The following LAMC3 variants were observed in gnomAD, a reference collection of about 807,000 sequenced individuals.
The protein encoded by LAMC3 is laminin subunit gamma 3.
Under a neutral mutation model 173.8 loss-of-function variants are expected in LAMC3, and 128 were observed. The ratio of observed to expected loss-of-function variants is 0.74; its 90% CI spans 0.64 to 0.85. The LOEUF is 0.85. LAMC3 is among the 40% of genes least tolerant of loss of function. The probability of loss-of-function intolerance (pLI) is 0.00; values close to 1 mark genes in which losing one functional copy is unlikely to be tolerated. For missense variants in LAMC3, 2,022 were observed against 2,156.0 expected, an observed-to-expected ratio of 0.94 and a Z score of 1.23; for synonymous variants, 897 against 909.1, an observed-to-expected ratio of 0.99 and a Z score of 0.24.
Position 131,077,272 on chromosome 9 carries a change from G to A in LAMC3, c.3715G>A (p.Val1239Met), listed in dbSNP as rs193210119. The change falls in exon 22 of 28, where the codon GTG (valine) becomes ATG (methionine). Residue 1239 changes from valine (V) to methionine (M), a missense_variant. Transcript: ENST00000361069. The stretch of plus-strand genomic sequence containing the variant: ...TGAAGCGGAAAGCGTGTTGGCCACC[G>A]TGCAGCAAGTTGGCGCAGATACAGC... ...LPEAESVLAT[V>M]QQVGADTAPY... is the part of the protein sequence containing the mutation. 29 of 1,614,036 alleles carry A rather than the reference G, an allele frequency of 1.8e-5. No individual in the cohort carries two copies. The highest frequency in any genetic ancestry group is 1.3e-4 in the Admixed American group (8 of 60,024).
At chr9:131,019,297 C>T (rs1833585841) in intron 1 of LAMC3, among the ~76,000 whole-genome samples, 1 of 152,140 alleles carries the variant, frequency 6.6e-6, no homozygotes, top group Non-Finnish European at 1.5e-5. Flanking sequence ...ACAAGACCTG[C>T]CTCTCTCTCC....
intron 13 of LAMC3, among the ~76,000 whole-genome samples, chr9:131,063,396 T>C (rs1235735160): frequency 6.6e-6 from 1 of 152,128 alleles, no homozygotes; most frequent in Non-Finnish European, 1.5e-5. Context: ...GGCTGAGACA[T>C]ACTTGAGGGA....
intron 3 of LAMC3, among the ~76,000 whole-genome samples, 188 bp from the exon 4 acceptor site, chr9:131,035,978 C>T (rs1426282979): frequency 6.6e-6 from 1 of 152,158 alleles, no homozygotes; most frequent in African/African-American, 2.4e-5. Context: ...GGGTTTGTTC[C>T]AGAGCTCACC....
chr9:131,073,944 C>CTTTTTTT (rs57877574), intron 20 of LAMC3, among the ~76,000 whole-genome samples: 8 of 90,822 alleles, frequency 8.8e-5, no homozygotes, highest in Admixed American at 2.5e-4. Flanking sequence ...CTTTTCTTTT[C>CTTTTTTT]TTTTTTTTTT....
chr9:131,069,068 T>C lies in LAMC3; in HGVS notation c.2890+18T>C, dbSNP rs1564384903. ...CTGCCGGGGTAAGGAGGCTGGGTCC[T>C]TCCCGGGCTGCCCTGAGGGTGGGGC... is the stretch of plus-strand genomic sequence containing the variant. On this transcript the variant is annotated intron_variant, in intron 16 of 27. Transcript: ENST00000361069. The C allele has an allele frequency of 2.5e-6, 4 of 1,612,726 alleles. No individual in the cohort carries two copies. The highest frequency in any genetic ancestry group is 2.5e-6 in the Non-Finnish European group (3 of 1,179,758).
At chr9:131,076,053 C>T in intron 21 of LAMC3, 88 bp downstream of exon 21, 1 of 1,338,616 alleles carries the variant, frequency 7.5e-7, no homozygotes, top group East Asian at 2.4e-5. Context: ...GTTCCAGAGC[C>T]AGCTCCCTTG....
intron 20 of LAMC3, 95 bp downstream of exon 20, chr9:131,073,416 G>C (rs1830070790): frequency 3.2e-6 from 3 of 933,662 alleles, no homozygotes; most frequent in Non-Finnish European, 5.2e-6. Context: ...CCAGAAGTTG[G>C]GATCAGATAT....
At chr9:131,077,698 A>C (rs982143588) in intron 22 of LAMC3, among the ~76,000 whole-genome samples, 5 of 149,454 alleles carry the variant, frequency 3.3e-5, no homozygotes, top group South Asian at 2.1e-4. Context: ...AAAAAAAAAA[A>C]AAAAAAAAAA....
chr9:131,081,942 G>C lies in LAMC3; in HGVS notation c.3928-117G>C. ...CTCCTGGTGGACAGCGTGACCCAGCGTCAGGGATTTGGTGATGATTTGGGC... is the reference window on the plus strand; with the variant it reads ...CTCCTGGTGGACAGCGTGACCCAGCCTCAGGGATTTGGTGATGATTTGGGC... On this transcript the variant is annotated intron_variant, in intron 23 of 27. Transcript: ENST00000361069. The C allele has an allele frequency of 8.2e-6, 6 of 733,882 alleles. No individual in the cohort carries two copies. The South Asian group carries it at 8.9e-5, about 11-fold the overall frequency. The allele number at this position is 733,882 out of a possible 1,614,324, so 45.5% of individuals were successfully genotyped here.
At position 131,075,905 on chromosome 9, in the gene LAMC3, T is replaced by C. The variant is rs749294694; in HGVS notation, c.3569T>C (p.Leu1190Pro). Reference protein sequence around the residue: ...ALLASNTSYALLWNLLEGRVA... With the variant: ...ALLASNTSYAPLWNLLEGRVA... The stretch of plus-strand genomic sequence containing the variant: ...CTCGCCTCCAACACCAGCTACGCGC[T>C]TCTCTGGAATCTGCTGGAGGGAAGG... Residue 1190 changes from leucine to proline, a missense_variant, in exon 21 of 28, where the codon CTT becomes CCT. Coordinates refer to ENST00000361069, the MANE Select transcript of LAMC3 (RefSeq NM_006059.4). 1.6e-5 allele frequency: 26 copies of C among 1,611,988 alleles called. No homozygotes were observed. Among genetic ancestry groups the C allele is most frequent in the Non-Finnish European group, 2.2e-5 (26 of 1,178,810 alleles).
At chr9:131,073,969 C>T (rs1242757128) in intron 20 of LAMC3, among the ~76,000 whole-genome samples, 40 of 111,608 alleles carry the variant, frequency 3.6e-4, no homozygotes, top group African/African-American at 1.2e-3. Context: ...TTTTTTGAGA[C>T]GGAGTCTCGC....
chr9:131,026,200 G>T lies in LAMC3; in HGVS notation c.374-85G>T, dbSNP rs879066699. 2.5e-6 allele frequency: 4 copies of T among 1,583,284 alleles called. No individual in the cohort carries two copies. The Admixed American group carries it at 7.2e-5, about 29-fold the overall frequency. On this transcript the variant is annotated intron_variant, in intron 1 of 27. Coordinates refer to ENST00000361069, the MANE Select transcript of LAMC3 (RefSeq NM_006059.4). This position sits in a 1 kb window ranked among gnomAD's most constrained non-coding sequence, Gnocchi z 4.8. Reference sequence around the variant, plus strand: ...CAGCGATCCATCCACGCTAGTGCCTGCAATGCAGCCGTCTGTCCTTCCTAG... The same window carrying T: ...CAGCGATCCATCCACGCTAGTGCCTTCAATGCAGCCGTCTGTCCTTCCTAG...
chr9:131,017,802 G>A (rs1833551954), intron 1 of LAMC3, among the ~76,000 whole-genome samples: 1 of 150,298 alleles, frequency 6.7e-6, no homozygotes, highest in Admixed American at 6.6e-5. Flanking sequence ...GAGGCGGGCG[G>A]ATCACCTTCG....
chr9:131,039,339 T>TC, intron 6 of LAMC3, 91 bp downstream of exon 6: 1 of 1,036,514 alleles, frequency 9.6e-7, no homozygotes, highest in Admixed American at 1.9e-5. Context: ...CCCCTCCCCA[T>TC]CCCTTCCTGT....
At chr9:131,065,039 T>TAA (rs754104539) in intron 13 of LAMC3, among the ~76,000 whole-genome samples, 67 of 27,420 alleles carry the variant, frequency 2.4e-3, no homozygotes, top group African/African-American at 2.7e-3. Flanking sequence ...AGACTCCATC[T>TAA]AAAAAAAAAA....
Position 131,085,940 on chromosome 9 carries a change from G to T in LAMC3, c.4230+217G>T. The T allele has an allele frequency of 6.4e-6, 4 of 620,316 alleles. No individual in the cohort carries two copies. The Middle Eastern group carries it at 1.3e-3, about 200-fold the overall frequency. The allele number at this position is 620,316 out of a possible 1,614,324, so 38.4% of individuals were successfully genotyped here. On this transcript the variant is annotated intron_variant, in intron 25 of 27. Transcript: ENST00000361069. ...CCATTGTACAGGTGAGAATGCTGAG[G>T]TGCAGCCAGCTTCATGAACTTAACC...
At chr9:131,024,119 C>A (rs1400719869) in intron 1 of LAMC3, among the ~76,000 whole-genome samples, 2 of 148,862 alleles carry the variant, frequency 1.3e-5, no homozygotes, top group Admixed American at 1.3e-4. Flanking sequence ...ATTATTTACT[C>A]CTCTGTTTTC....
At chr9:131,066,830 C>T (rs1277897144) in intron 13 of LAMC3, 130 bp from the exon 14 acceptor site, 3 of 1,278,760 alleles carry the variant, frequency 2.3e-6, no homozygotes, top group African/African-American at 1.5e-5. Flanking sequence ...GGGGCCGGTC[C>T]CAGGTCCTCC....
At chr9:131,077,158 C>T (rs1830142543) in intron 21 of LAMC3, 29 bp from the exon 22 acceptor site, 2 of 1,611,814 alleles carry the variant, frequency 1.2e-6, no homozygotes, top group South Asian at 1.1e-5. Flanking sequence ...AGTTCTGCAC[C>T]CAGCTCCGTG....
Sources: gnomAD v4.1 joint callset for allele counts (sites outside exome capture counted in the v4.1 genomes callset) on GRCh38, gnomAD v4.1.1 for gene constraint, Gnocchi (gnomAD v3.1) non-coding constraint, MANE v1.5 for transcripts, NCBI Gene and HGNC (gene_info 2026-07-23, HGNC 2026-07-21) for gene names.